SPTAN1: variants seen among roughly 807,000 people sequenced by gnomAD.
The protein encoded by SPTAN1 is spectrin alpha chain, non-erythrocytic 1.
Under a neutral mutation model 331.3 loss-of-function variants are expected in SPTAN1, and 61 were observed. That is an observed-to-expected ratio of 0.18 (90% CI 0.15 to 0.23). The LOEUF (loss-of-function observed/expected upper bound fraction) is 0.23, where lower values mean the gene tolerates loss of function less well. Among genes scored for constraint, SPTAN1 ranks in the 10% least tolerant of loss-of-function variants. The pLI, the probability that SPTAN1 is intolerant of heterozygous loss-of-function variation, is 1.00. For missense variants in SPTAN1, 2,043 were observed against 3,147.9 expected (o/e 0.65, Z 8.40); for synonymous variants, 1,153 against 1,173.9 (o/e 0.98, Z 0.36).
intron 9 of SPTAN1, among the ~76,000 whole-genome samples, 190 bp downstream of exon 9, chr9:128,578,435 G>C (rs955421366): frequency 6.6e-6 from 1 of 152,120 alleles, no homozygotes; most frequent in Non-Finnish European, 1.5e-5. Context: ...GCTTAACTGG[G>C]TTCAGTGTCA....
chr9:128,594,826 A>AT (rs572195712), intron 24 of SPTAN1, among the ~76,000 whole-genome samples: 2,495 of 76,702 alleles, frequency 0.033, 62 homozygotes, highest in African/African-American at 0.1. Flanking sequence ...TTTTTTTTCA[A>AT]TTTTTTTTTT....
intron 3 of SPTAN1, among the ~76,000 whole-genome samples, chr9:128,571,221 T>A (rs1850687446): frequency 6.8e-6 from 1 of 147,226 alleles, no homozygotes; most frequent in African/African-American, 2.5e-5. Flanking sequence ...TCCTGGGAGG[T>A]CAAGGCTGCA....
At chr9:128,575,484 G>C (rs766790804) in intron 5 of SPTAN1, 139 bp downstream of exon 5, 2 of 950,216 alleles carry the variant, frequency 2.1e-6, no homozygotes, top group Non-Finnish European at 3.3e-6. Context: ...GTTTTGTTTA[G>C]ATGTGAGGCA....
chr9:128,608,683 C>T (rs529785438), intron 34 of SPTAN1, among the ~76,000 whole-genome samples, 191 bp from the exon 35 acceptor site: 3 of 152,364 alleles, frequency 2.0e-5, no homozygotes, highest in African/African-American at 7.2e-5. Context: ...TTAAACTCTA[C>T]TCTAGTAATG....
At position 128,584,312 on chromosome 9, in the gene SPTAN1, C is replaced by T. The variant is rs780658554; in HGVS notation, c.2224C>T (p.Arg742Cys). Residue 742 changes from arginine (R) to cysteine (C), a missense_variant, in exon 17 of 57, where the codon CGC (arginine) becomes TGC (cysteine). Arg to Cys is a radical substitution (Grantham distance 180). Transcript: ENST00000372739. ...AATTGATGGCATCACCATTCAGGCCCGCCAGTTCCAAGATGCTGGCCATTT... is the reference window on the plus strand; with the variant it reads ...AATTGATGGCATCACCATTCAGGCCTGCCAGTTCCAAGATGCTGGCCATTT... The part of the protein sequence containing the change: ...DRIDGITIQA[R>C]QFQDAGHFDA... The T allele has an allele frequency of 1.5e-5, 24 of 1,614,038 alleles. No individual in the cohort carries two copies. Among genetic ancestry groups the T allele is most frequent in the African/African-American group, 6.7e-5 (5 of 74,912 alleles).
At chr9:128,615,897 A>G (rs1857107983) in intron 41 of SPTAN1, 57 bp downstream of exon 41, 3 of 1,578,160 alleles carry the variant, frequency 1.9e-6, no homozygotes, top group Non-Finnish European at 2.6e-6. Context: ...GGGCAGCAGG[A>G]ACCACAGGCT....
chr9:128,568,253 C>T (rs1190533214), intron 2 of SPTAN1, among the ~76,000 whole-genome samples: 1 of 152,110 alleles, frequency 6.6e-6, no homozygotes, highest in Non-Finnish European at 1.5e-5. Context: ...GCCTGGCAGG[C>T]CCCTTCCCAT....
At chr9:128,575,375 C>T in intron 5 of SPTAN1, 30 bp downstream of exon 5, 1 of 1,605,782 alleles carries the variant, frequency 6.2e-7, no homozygotes, top group South Asian at 1.1e-5. Context: ...ATGCTTCTCA[C>T]AACATTATTA....
At chr9:128,573,103 A>G (rs895908774) in intron 3 of SPTAN1, among the ~76,000 whole-genome samples, 1 of 152,016 alleles carries the variant, frequency 6.6e-6, no homozygotes, top group Admixed American at 6.6e-5. Context: ...TAGTGTTTAA[A>G]CCGCTTTGTT....
intron 51 of SPTAN1, chr9:128,628,266 T>C: frequency 2.1e-6 from 1 of 477,634 alleles, no homozygotes; most frequent in South Asian, 1.8e-5. Context: ...CCCCCGTGCC[T>C]GTCCAGCCAC....
At chr9:128,630,803 C>G (rs960961867) in intron 52 of SPTAN1, among the ~76,000 whole-genome samples, 11 of 152,194 alleles carry the variant, frequency 7.2e-5, no homozygotes, top group African/African-American at 2.4e-4. Context: ...CTCCTGGGTT[C>G]AAGTGATCCT....
At chr9:128,617,266 A>G (rs1370394682) in intron 41 of SPTAN1, among the ~76,000 whole-genome samples, 2 of 151,884 alleles carry the variant, frequency 1.3e-5, no homozygotes, top group East Asian at 1.9e-4. Flanking sequence ...GTATATATGT[A>G]TATATATAAA....
At chr9:128,628,350 A>C in intron 51 of SPTAN1, 1 of 375,090 alleles carries the variant, frequency 2.7e-6, no homozygotes, top group Admixed American at 3.6e-5. Context: ...AGCAGATGGC[A>C]GTGCTGGGGG....
At chr9:128,562,533 A>G (rs1411001924) in intron 1 of SPTAN1, among the ~76,000 whole-genome samples, 6 of 152,174 alleles carry the variant, frequency 3.9e-5, no homozygotes, top group Non-Finnish European at 5.9e-5. Flanking sequence ...GGAGCTTGAC[A>G]TGAGATACGG....
At chr9:128,586,111 G>GT in intron 19 of SPTAN1, 146 bp downstream of exon 19, 1 of 430,142 alleles carries the variant, frequency 2.3e-6, no homozygotes, top group Non-Finnish European at 4.0e-6. Flanking sequence ...TTTTTCACTT[G>GT]GTTTTTTTTT....
At chr9:128,618,656 T>A (rs1438333108) in intron 43 of SPTAN1, among the ~76,000 whole-genome samples, 1 of 152,046 alleles carries the variant, frequency 6.6e-6, no homozygotes, top group African/African-American at 2.4e-5. Context: ...GCTAATTTTT[T>A]GTATTTTTAG....
At chr9:128,632,759 G>A in intron 55 of SPTAN1, 41 bp downstream of exon 55, 2 of 1,613,988 alleles carry the variant, frequency 1.2e-6, no homozygotes, top group South Asian at 2.2e-5. Context: ...CTCTGCCCGG[G>A]GCACCCACCT....
intron 1 of SPTAN1, among the ~76,000 whole-genome samples, chr9:128,560,815 G>GAGACC (rs1386602971): frequency 4.1e-5 from 6 of 147,826 alleles, no homozygotes; most frequent in African/African-American, 1.5e-4. Flanking sequence ...AGGTCAGTTC[G>GAGACC]AGACCAGTCT....
chr9:128,600,176 T>A, intron 27 of SPTAN1, 61 bp downstream of exon 27: 1 of 1,542,218 alleles, frequency 6.5e-7, no homozygotes, highest in Non-Finnish European at 9.0e-7. Context: ...AAATATGTCC[T>A]TTTCTGGTGT....
Sources: gnomAD v4.1 joint callset for allele counts (sites outside exome capture counted in the v4.1 genomes callset) on GRCh38, gnomAD v4.1.1 for gene constraint, MANE v1.5 for transcripts, NCBI Gene and HGNC (gene_info 2026-07-23, HGNC 2026-07-21) for gene names.